Variants in OSBPL1A observed in about 807,000 individuals in gnomAD.
OSBPL1A encodes the protein oxysterol-binding protein-related protein 1.
In OSBPL1A, 80 loss-of-function variants were observed where a neutral mutation model predicts 137.1. The ratio of observed to expected loss-of-function variants is 0.58; its 90% CI spans 0.49 to 0.70. OSBPL1A has a LOEUF of 0.70. Ranked by LOEUF, OSBPL1A falls within the 30% of genes least tolerant of loss-of-function variation. OSBPL1A has a pLI of 0.00. For synonymous variants in OSBPL1A, 365 were observed against 389.7 expected (o/e 0.94, Z 0.75); for missense variants, 970 against 1,129.4 (o/e 0.86, Z 2.02).
At chr18:24,361,476 G>A (rs745323748) in intron 4 of OSBPL1A, among the ~76,000 whole-genome samples, 3 of 152,184 alleles carry the variant, frequency 2.0e-5, no homozygotes, top group Non-Finnish European at 4.4e-5. Flanking sequence ...AGGACTTACT[G>A]TATATATGCT....
chr18:24,230,835 C>T (rs2088249845), intron 16 of OSBPL1A, among the ~76,000 whole-genome samples: 2 of 152,212 alleles, frequency 1.3e-5, no homozygotes, highest in Admixed American at 1.3e-4. Context: ...TTAGGAAAAT[C>T]TGTGCAGCCC....
intron 17 of OSBPL1A, among the ~76,000 whole-genome samples, chr18:24,220,855 CA>C (rs1238374828): frequency 6.6e-5 from 10 of 151,982 alleles, no homozygotes; most frequent in Admixed American, 4.6e-4. Flanking sequence ...CTTTGTCACC[CA>C]GGCTGGTGTA....
chr18:24,395,449 T>TA (rs1172582413), intron 1 of OSBPL1A, among the ~76,000 whole-genome samples: 33 of 152,188 alleles, frequency 2.2e-4, no homozygotes, highest in Admixed American at 1.8e-3. Context: ...TATACAGATG[T>TA]ATCTCTGAGT....
intron 2 of OSBPL1A, among the ~76,000 whole-genome samples, chr18:24,374,437 A>C (rs1003116930): frequency 6.6e-6 from 1 of 152,026 alleles, no homozygotes; most frequent in African/African-American, 2.4e-5. Context: ...TGGATCTTAA[A>C]CTCGGAAAGT....
chr18:24,348,946 C>T (rs1272115027), intron 4 of OSBPL1A, among the ~76,000 whole-genome samples: 1 of 151,980 alleles, frequency 6.6e-6, no homozygotes, highest in Non-Finnish European at 1.5e-5. Flanking sequence ...GGTCTGGGAT[C>T]ACTTGAGCCG....
At chr18:24,278,212 T>C (rs570981862) in intron 15 of OSBPL1A, among the ~76,000 whole-genome samples, 1 of 152,320 alleles carries the variant, frequency 6.6e-6, no homozygotes, top group East Asian at 1.9e-4. Context: ...TGAAGTAGCC[T>C]TGTCATTTAA....
chr18:24,203,586 A>G (rs183396961), intron 17 of OSBPL1A, among the ~76,000 whole-genome samples: 4 of 152,222 alleles, frequency 2.6e-5, no homozygotes, highest in Admixed American at 2.0e-4. Flanking sequence ...CGCTGGTTTT[A>G]TTTTTAATGT....
chr18:24,163,467 C>A (rs906283320), intron 27 of OSBPL1A, among the ~76,000 whole-genome samples, 186 bp from the exon 28 acceptor site: 3 of 152,088 alleles, frequency 2.0e-5, no homozygotes, highest in Non-Finnish European at 4.4e-5. Flanking sequence ...GAATAATATT[C>A]CAAAAGGGGT....
intron 15 of OSBPL1A, among the ~76,000 whole-genome samples, chr18:24,273,723 T>C (rs2089776213): frequency 6.6e-6 from 1 of 152,196 alleles, no homozygotes; most frequent in African/African-American, 2.4e-5. Context: ...TTTGTGAATA[T>C]ATAATGATAC....
At chr18:24,225,598 T>C (rs912186204) in intron 16 of OSBPL1A, among the ~76,000 whole-genome samples, 3 of 152,114 alleles carry the variant, frequency 2.0e-5, no homozygotes, top group Non-Finnish European at 4.4e-5. Context: ...AAAGCTGTAG[T>C]AGCTAGCTGT....
chr18:24,222,429 T>C (rs1390098358), intron 17 of OSBPL1A, among the ~76,000 whole-genome samples: 1 of 152,144 alleles, frequency 6.6e-6, no homozygotes, highest in Non-Finnish European at 1.5e-5. Context: ...AGTTGGGTAA[T>C]ATTGCTAACA....
intron 15 of OSBPL1A, among the ~76,000 whole-genome samples, chr18:24,265,142 C>T (rs2089540435): frequency 6.6e-6 from 1 of 152,060 alleles, no homozygotes. Flanking sequence ...ACACAAATAC[C>T]ACAAATAAAT....
intron 14 of OSBPL1A, among the ~76,000 whole-genome samples, chr18:24,294,805 A>G (rs978498043): frequency 4.6e-5 from 7 of 152,212 alleles, no homozygotes; most frequent in African/African-American, 1.7e-4. Context: ...TTATTTATCC[A>G]TTCATTGGTT....
intron 17 of OSBPL1A, among the ~76,000 whole-genome samples, chr18:24,222,864 T>G (rs1417046268): frequency 1.3e-5 from 2 of 152,094 alleles, no homozygotes; most frequent in African/African-American, 2.4e-5. Flanking sequence ...CTCCCTAAAT[T>G]TATGTATTTC....
intron 12 of OSBPL1A, among the ~76,000 whole-genome samples, chr18:24,312,450 C>G (rs539343576): frequency 1.3e-5 from 2 of 152,080 alleles, no homozygotes; most frequent in Non-Finnish European, 2.9e-5. Context: ...AATTTTATAA[C>G]CTAACAGAAT....
chr18:24,204,094 A>C (rs1462257657), intron 17 of OSBPL1A, among the ~76,000 whole-genome samples: 1 of 152,214 alleles, frequency 6.6e-6, no homozygotes, highest in African/African-American at 2.4e-5. Flanking sequence ...TCTCTATTTC[A>C]CATATCCACA....
chr18:24,252,704 G>A (rs778292011), intron 15 of OSBPL1A, among the ~76,000 whole-genome samples: 11 of 152,116 alleles, frequency 7.2e-5, no homozygotes, highest in Non-Finnish European at 1.3e-4. Flanking sequence ...ATTGTGGTGT[G>A]TAAACTACAC....
chr18:24,293,062 A>G (rs1348913304), intron 14 of OSBPL1A, among the ~76,000 whole-genome samples: 21 of 140,718 alleles, frequency 1.5e-4, no homozygotes, highest in Non-Finnish European at 3.0e-5. Context: ...CCAAGATCGC[A>G]CCACTGCCTC....
chr18:24,338,270 C>T (rs575949831), intron 5 of OSBPL1A, among the ~76,000 whole-genome samples: 70 of 150,048 alleles, frequency 4.7e-4, no homozygotes, highest in African/African-American at 1.5e-3. Flanking sequence ...TTAGTAAAGA[C>T]GGGGTTTCAC....
Sources: allele counts gnomAD v4.1 joint callset (sites outside exome capture counted in the v4.1 genomes callset), GRCh38; gene constraint gnomAD v4.1.1; transcripts MANE v1.5; gene names NCBI Gene and HGNC (gene_info 2026-07-23, HGNC 2026-07-21).